The following ROR1 variants were observed in gnomAD, a reference collection of about 807,000 sequenced individuals.
The protein encoded by ROR1 is ROR family WNT receptor 1, also known as inactive tyrosine-protein kinase transmembrane receptor ROR1.
ROR1 carries 19 observed loss-of-function variants against 78.8 expected under a neutral mutation model. That is an observed-to-expected ratio of 0.24 (90% confidence interval 0.17 to 0.35). ROR1 has a LOEUF of 0.35. ROR1 is among the 10% of genes least tolerant of loss of function. The probability of loss-of-function intolerance (pLI) is 1.00; values close to 1 mark genes in which losing one functional copy is unlikely to be tolerated. For synonymous variants in ROR1, 386 were observed against 433.6 expected (o/e 0.89, Z 1.36); for missense variants, 917 against 1,177.8 (o/e 0.78, Z 3.24).
At chr1:63,951,542 C>T (rs374271493) in intron 1 of ROR1, among the ~76,000 whole-genome samples, 2 of 152,218 alleles carry the variant, frequency 1.3e-5, no homozygotes, top group South Asian at 2.1e-4. Flanking sequence ...CATCAGGAGA[C>T]CTGAGAGAGA....
chr1:63,794,459 C>T (rs554319612), intron 1 of ROR1, among the ~76,000 whole-genome samples: 6 of 152,310 alleles, frequency 3.9e-5, no homozygotes, highest in Admixed American at 3.9e-4. Context: ...ACTGGCTTCC[C>T]CGGCCTCCAG....
intron 4 of ROR1, among the ~76,000 whole-genome samples, chr1:64,133,447 C>T (rs1276434328): frequency 6.6e-6 from 1 of 152,208 alleles, no homozygotes; most frequent in African/African-American, 2.4e-5. Context: ...TCTTAGCACT[C>T]TTCAAATATC....
intron 1 of ROR1, among the ~76,000 whole-genome samples, chr1:63,898,285 G>A (rs1645456570): frequency 6.7e-6 from 1 of 148,300 alleles, no homozygotes; most frequent in Admixed American, 6.9e-5. Context: ...GTATAGTACA[G>A]CAGGTAAATA....
At chr1:63,861,272 G>T (rs1034713910) in intron 1 of ROR1, among the ~76,000 whole-genome samples, 1 of 152,178 alleles carries the variant, frequency 6.6e-6, no homozygotes, top group South Asian at 2.1e-4. Flanking sequence ...ACGCTGAGAC[G>T]TGGCTGCCAG....
At chr1:63,860,017 G>C (rs1052416028) in intron 1 of ROR1, among the ~76,000 whole-genome samples, 1 of 152,188 alleles carries the variant, frequency 6.6e-6, no homozygotes, top group Non-Finnish European at 1.5e-5. Context: ...TGGCCTAAGT[G>C]GTAGAGCTTT....
chr1:64,111,964 C>T (rs1569784607), intron 4 of ROR1: 1 of 152,334 alleles, frequency 6.6e-6, no homozygotes, highest in Non-Finnish European at 1.5e-5. Context: ...AACTAGTCAG[C>T]TTTGCAGCAA....
intron 1 of ROR1, among the ~76,000 whole-genome samples, chr1:63,891,546 G>C (rs905886622): frequency 1.3e-5 from 2 of 152,098 alleles, no homozygotes; most frequent in African/African-American, 2.4e-5. Context: ...GGGAGGCCCA[G>C]GTAACTGGTA....
chr1:64,040,217 G>A (rs1260115738), intron 2 of ROR1, among the ~76,000 whole-genome samples: 2 of 152,140 alleles, frequency 1.3e-5, no homozygotes, highest in Admixed American at 1.3e-4. Context: ...ATGAGGCTGA[G>A]AAAGTTAGAA....
At chr1:63,792,777 C>T (rs1159204202) in intron 1 of ROR1, among the ~76,000 whole-genome samples, 4 of 105,672 alleles carry the variant, frequency 3.8e-5, no homozygotes, top group African/African-American at 7.7e-5. Context: ...AAACTTGCAA[C>T]TTACTTAACT....
intron 1 of ROR1, among the ~76,000 whole-genome samples, chr1:63,897,713 C>G (rs1359710697): frequency 1.3e-5 from 2 of 152,182 alleles, no homozygotes; most frequent in East Asian, 3.8e-4. Flanking sequence ...ATATCTGCTA[C>G]ATAGAAGTGC....
At chr1:64,045,648 C>T (rs1203982325) in intron 2 of ROR1, among the ~76,000 whole-genome samples, 1 of 152,100 alleles carries the variant, frequency 6.6e-6, no homozygotes, top group East Asian at 1.9e-4. Context: ...CCTCTCTGTG[C>T]CTTACCCTCT....
intron 2 of ROR1, among the ~76,000 whole-genome samples, chr1:64,033,161 G>A (rs1032577338): frequency 2.0e-5 from 3 of 152,150 alleles, no homozygotes; most frequent in Admixed American, 6.5e-5. Flanking sequence ...AAAGTGCAAC[G>A]TCCTTGGTAT....
intron 1 of ROR1, among the ~76,000 whole-genome samples, chr1:63,980,957 C>T (rs192335377): frequency 4.0e-5 from 6 of 151,692 alleles, no homozygotes; most frequent in African/African-American, 1.4e-4. Flanking sequence ...TGTTCTGATC[C>T]TCTTAGCACT....
chr1:64,138,609 G>A (rs1474337996), intron 5 of ROR1, among the ~76,000 whole-genome samples: 1 of 150,386 alleles, frequency 6.6e-6, no homozygotes, highest in Non-Finnish European at 1.5e-5. Flanking sequence ...GCAGTGGCGC[G>A]ATCTCGGCTC....
At chr1:63,947,482 A>C (rs987105397) in intron 1 of ROR1, among the ~76,000 whole-genome samples, 1 of 152,176 alleles carries the variant, frequency 6.6e-6, no homozygotes, top group Non-Finnish European at 1.5e-5. Flanking sequence ...CCAAACAGGG[A>C]AATTTGAAAA....
At chr1:63,886,538 G>C (rs1645358536) in intron 1 of ROR1, among the ~76,000 whole-genome samples, 1 of 152,134 alleles carries the variant, frequency 6.6e-6, no homozygotes, top group Admixed American at 6.5e-5. Context: ...TGGCCAGAAG[G>C]AGTCACATGG....
intron 2 of ROR1, among the ~76,000 whole-genome samples, chr1:64,048,595 C>T (rs559617340): frequency 1.3e-5 from 2 of 151,890 alleles, no homozygotes; most frequent in African/African-American, 2.4e-5. Context: ...TAACAGAGCA[C>T]GTTTTTAAAA....
intron 6 of ROR1, among the ~76,000 whole-genome samples, chr1:64,142,056 G>T (rs1649332672): frequency 6.6e-6 from 1 of 152,210 alleles, no homozygotes; most frequent in South Asian, 2.1e-4. Flanking sequence ...GGAAGGAAAA[G>T]TTTGGCTTGA....
chr1:63,934,116 C>A (rs890171845), intron 1 of ROR1, among the ~76,000 whole-genome samples: 6 of 152,076 alleles, frequency 3.9e-5, no homozygotes, highest in Non-Finnish European at 5.9e-5. Flanking sequence ...GATAAACATC[C>A]CTCATGGTAA....
Sources: gnomAD v4.1 joint callset for allele counts (sites outside exome capture counted in the v4.1 genomes callset) on GRCh38, gnomAD v4.1.1 for gene constraint, MANE v1.5 for transcripts, NCBI Gene and HGNC (gene_info 2026-07-23, HGNC 2026-07-21) for gene names.